Variants in TAOK3 observed in about 807,000 individuals in gnomAD.
TAOK3 encodes serine/threonine-protein kinase TAO3.
TAOK3 carries 40 observed loss-of-function variants against 120.4 expected under a neutral mutation model. That is an observed-to-expected ratio of 0.33 (90% CI 0.26 to 0.43). The LOEUF (loss-of-function observed/expected upper bound fraction) is 0.43. Among genes scored for constraint, TAOK3 ranks in the 20% least tolerant of loss-of-function variants. The probability of loss-of-function intolerance (pLI) is 1.00; values close to 1 mark genes in which losing one functional copy is unlikely to be tolerated. For synonymous variants in TAOK3, 355 were observed against 387.5 expected (o/e 0.92, Z 0.99); for missense variants, 821 against 1,112.1 (o/e 0.74, Z 3.72).
At chr12:118,370,114 C>A (rs1713715256) in intron 1 of TAOK3, among the ~76,000 whole-genome samples, 1 of 149,562 alleles carries the variant, frequency 6.7e-6, no homozygotes, top group Non-Finnish European at 1.5e-5. Context: ...ACCTTGTGAT[C>A]CGCCTGCCTC....
intron 13 of TAOK3, among the ~76,000 whole-genome samples, chr12:118,194,753 T>A (rs1056886514): frequency 1.3e-5 from 2 of 151,790 alleles, no homozygotes; most frequent in Non-Finnish European, 2.9e-5. Context: ...TGGCTTTTTT[T>A]CCCCCTCCAC....
At chr12:118,321,327 C>A (rs1236513395) in intron 1 of TAOK3, among the ~76,000 whole-genome samples, 1 of 152,124 alleles carries the variant, frequency 6.6e-6, no homozygotes, top group East Asian at 1.9e-4. Context: ...GTGGCACAAT[C>A]ACGGCTCACT....
At chr12:118,232,810 G>A (rs2039840741) in intron 9 of TAOK3, among the ~76,000 whole-genome samples, 1 of 152,062 alleles carries the variant, frequency 6.6e-6, no homozygotes, top group South Asian at 2.1e-4. Context: ...GAGGCTAAAG[G>A]AGGAGAATTG....
chr12:118,170,368 C>A (rs1426979179), intron 17 of TAOK3, among the ~76,000 whole-genome samples: 1 of 152,168 alleles, frequency 6.6e-6, no homozygotes, highest in Non-Finnish European at 1.5e-5. Context: ...GGCGTTATCA[C>A]CCCCATTGAG....
At chr12:118,223,255 T>C (rs2039334996) in intron 9 of TAOK3, among the ~76,000 whole-genome samples, 1 of 151,120 alleles carries the variant, frequency 6.6e-6, no homozygotes, top group South Asian at 2.1e-4. Flanking sequence ...GTATTTTTAG[T>C]AGAGACGGGG....
chr12:118,321,808 T>C (rs1409518404), intron 1 of TAOK3, among the ~76,000 whole-genome samples: 2 of 152,216 alleles, frequency 1.3e-5, no homozygotes, highest in East Asian at 1.9e-4. Context: ...ATCGCTATTT[T>C]TGTGAGTATA....
intron 1 of TAOK3, among the ~76,000 whole-genome samples, chr12:118,328,186 G>A (rs1479518723): frequency 2.0e-5 from 3 of 151,654 alleles, no homozygotes; most frequent in Middle Eastern, 3.4e-3. Context: ...TCAGCCTCCC[G>A]AGTAGCTGGG....
At chr12:118,226,059 G>A (rs566361836) in intron 9 of TAOK3, among the ~76,000 whole-genome samples, 4 of 152,274 alleles carry the variant, frequency 2.6e-5, no homozygotes, top group African/African-American at 9.6e-5. Context: ...GGCCAACAAG[G>A]TAAAACTCCG....
At chr12:118,263,604 T>C (rs1593339571) in intron 2 of TAOK3, among the ~76,000 whole-genome samples, 1 of 152,100 alleles carries the variant, frequency 6.6e-6, no homozygotes, top group Admixed American at 6.6e-5. Flanking sequence ...ATGGGACCCC[T>C]GGATCCAGAA....
chr12:118,303,378 G>A (rs1260265380), intron 1 of TAOK3, among the ~76,000 whole-genome samples: 1 of 152,036 alleles, frequency 6.6e-6, no homozygotes, highest in Admixed American at 6.6e-5. Flanking sequence ...GTTCACTGTT[G>A]CATCTTCAAT....
At chr12:118,321,343 C>G (rs908972868) in intron 1 of TAOK3, among the ~76,000 whole-genome samples, 69 of 152,172 alleles carry the variant, frequency 4.5e-4, no homozygotes, top group African/African-American at 1.6e-3. Context: ...TCACTGCAAC[C>G]TCGACCTGCC....
chr12:118,360,567 CAAAAA>C (rs34592832), intron 1 of TAOK3, among the ~76,000 whole-genome samples: 1 of 86,350 alleles, frequency 1.2e-5, no homozygotes, highest in African/African-American at 4.7e-5. Context: ...GACTCCGTCT[CAAAAA>C]AAAAAAAAAA....
At chr12:118,152,076 G>T in intron 20 of TAOK3, 151 bp downstream of exon 20, 1 of 678,720 alleles carries the variant, frequency 1.5e-6, no homozygotes, top group Non-Finnish European at 2.4e-6. Context: ...GGGGGACAAT[G>T]CCTACCTCAC....
chr12:118,167,077 C>T (rs903169245), intron 17 of TAOK3, among the ~76,000 whole-genome samples: 13 of 152,150 alleles, frequency 8.5e-5, no homozygotes, highest in African/African-American at 3.1e-4. Context: ...AATAGAGATG[C>T]TGTCAGCCTA....
chr12:118,152,470 A>G (rs2034519495), intron 19 of TAOK3, 61 bp from the exon 20 acceptor site: 1 of 1,507,332 alleles, frequency 6.6e-7, no homozygotes, highest in Admixed American at 2.0e-5. Flanking sequence ...GGTGGCCTAC[A>G]GCCCTTGGTG....
intron 1 of TAOK3, among the ~76,000 whole-genome samples, chr12:118,312,738 C>A (rs946905096): frequency 6.6e-6 from 1 of 152,180 alleles, no homozygotes; most frequent in Non-Finnish European, 1.5e-5. Flanking sequence ...ACTTCTAGTA[C>A]AATTTTTTGT....
intron 11 of TAOK3, among the ~76,000 whole-genome samples, chr12:118,205,316 G>A (rs2139347052): frequency 6.6e-6 from 1 of 151,674 alleles, no homozygotes; most frequent in South Asian, 2.1e-4. Flanking sequence ...GCAATGAGCC[G>A]AGATCAGGCC....
intron 1 of TAOK3, among the ~76,000 whole-genome samples, chr12:118,277,395 A>T (rs1317060565): frequency 6.6e-6 from 1 of 152,036 alleles, no homozygotes; most frequent in Non-Finnish European, 1.5e-5. Flanking sequence ...ACACAAACAC[A>T]GGCCCTGAAA....
chr12:118,174,777 C>T (rs992548045), intron 16 of TAOK3, among the ~76,000 whole-genome samples: 1 of 152,022 alleles, frequency 6.6e-6, no homozygotes, highest in African/African-American at 2.4e-5. Context: ...ATTTGTCCTG[C>T]CTCAACCTCC....
Sources: gnomAD v4.1 joint callset for allele counts (sites outside exome capture counted in the v4.1 genomes callset) on GRCh38, gnomAD v4.1.1 for gene constraint, MANE v1.5 for transcripts, NCBI Gene and HGNC (gene_info 2026-07-23, HGNC 2026-07-21) for gene names.